Variants in LONRF2 observed in about 807,000 individuals in gnomAD.
The protein encoded by LONRF2 is LON peptidase N-terminal domain and RING finger protein 2.
In LONRF2, 35 loss-of-function variants were observed where a neutral mutation model predicts 66.6. The ratio of observed to expected loss-of-function variants is 0.53; its 90% CI spans 0.40 to 0.70. The LOEUF (loss-of-function observed/expected upper bound fraction) is 0.70. Ranked by LOEUF, LONRF2 falls within the 30% of genes least tolerant of loss-of-function variation. The probability of loss-of-function intolerance (pLI) is 0.00; values close to 1 mark genes in which losing one functional copy is unlikely to be tolerated. For missense variants in LONRF2, 902 were observed against 1,002.1 expected (o/e 0.90, Z 1.35); for synonymous variants, 417 against 418.1 (o/e 1.00, Z 0.03).
intron 1 of LONRF2, among the ~76,000 whole-genome samples, chr2:100,311,885 G>C (rs1045483467): frequency 1.3e-5 from 2 of 152,156 alleles, no homozygotes; most frequent in Non-Finnish European, 2.9e-5. Flanking sequence ...TATGGTCCTA[G>C]TATAAGCTCT....
chr2:100,288,951 G>T (rs1380898797), intron 10 of LONRF2, among the ~76,000 whole-genome samples: 1 of 152,170 alleles, frequency 6.6e-6, no homozygotes, highest in Non-Finnish European at 1.5e-5. Flanking sequence ...GTGTAAGTCT[G>T]TTGGAGAATC....
chr2:100,300,439 T>C (rs1675162578), intron 4 of LONRF2, among the ~76,000 whole-genome samples: 1 of 152,190 alleles, frequency 6.6e-6, no homozygotes, highest in Non-Finnish European at 1.5e-5. Context: ...TTCTAAAGCT[T>C]CTTTCAATCT....
chr2:100,321,606 C>G lies in LONRF2; in HGVS notation c.488G>C (p.Cys163Ser). ...GGGCCCTGGCTCCACGCAGCGCTTG[C>G]AGACTGTGAGCCCGCAGGGCAGCGT... ...PVTLPCGLTV[C>S]KRCVEPGPAR... The change falls in exon 1 of 12, where the codon TGC becomes TCC. Residue 163 changes from cysteine to serine, a missense_variant. Physicochemically the swap from Cys to Ser is moderately radical, Grantham distance 112. This residue lies in a region of LONRF2 where 585 missense variants were observed against 569.9 expected (regional missense o/e 1.03). Coordinates refer to ENST00000393437, the MANE Select transcript of LONRF2 (RefSeq NM_198461.4). 6.6e-7 allele frequency: 1 copy of G among 1,516,808 alleles called. No homozygotes were observed. Among genetic ancestry groups the G allele is most frequent in the East Asian group, 2.7e-5 (1 of 36,514 alleles). The allele number at this position is 1,516,808 out of a possible 1,614,324, so 94.0% of individuals were successfully genotyped here.
At chr2:100,288,910 A>T (rs774835413) in intron 10 of LONRF2, among the ~76,000 whole-genome samples, 1 of 152,246 alleles carries the variant, frequency 6.6e-6, no homozygotes, top group African/African-American at 2.4e-5. Context: ...GTTTGGGGCT[A>T]TAATGGAGTA....
In LONRF2 at chr2:100,273,882, A is replaced by G. The variant is rs911799215; in HGVS notation, c.*10416T>C. Reference sequence around the variant, plus strand: ...AGAACAATATATGAATAGAGTACACAGCTTTCCAACCTATTAACAGGTTCT... The same window carrying G: ...AGAACAATATATGAATAGAGTACACGGCTTTCCAACCTATTAACAGGTTCT... On this transcript the variant is annotated 3_prime_UTR_variant, in exon 12 of 12. Coordinates refer to ENST00000393437, the MANE Select transcript of LONRF2 (RefSeq NM_198461.4). 6.6e-6 allele frequency: 1 copy of G among 152,234 alleles called. No individual in the cohort carries two copies. The highest frequency in any genetic ancestry group is 2.4e-5 in the African/African-American group (1 of 41,456). The allele number at this position is 152,234 out of a possible 1,614,324, so 9.4% of individuals were successfully genotyped here.
chr2:100,286,164 G>A (rs1674841816), intron 11 of LONRF2, among the ~76,000 whole-genome samples: 1 of 151,862 alleles, frequency 6.6e-6, no homozygotes, highest in Admixed American at 6.6e-5. Flanking sequence ...AGCTCCAAGA[G>A]ACAGAAAAAA....
chr2:100,314,058 G>A (rs1368949742), intron 1 of LONRF2, among the ~76,000 whole-genome samples: 4 of 151,914 alleles, frequency 2.6e-5, no homozygotes, highest in African/African-American at 7.3e-5. Context: ...AAATAAAGCT[G>A]CAATGAACAT....
rs1674668369 is a variant in LONRF2 at position 100,279,527 on chromosome 2, T to C, written c.*4771A>G. ...TGCTATCAAAAGTGACCTTAGTATGTCAAAACAGCAGAGGACCAATTGTAT... is the reference window on the plus strand; with the variant it reads ...TGCTATCAAAAGTGACCTTAGTATGCCAAAACAGCAGAGGACCAATTGTAT... On this transcript the variant is annotated 3_prime_UTR_variant, in exon 12 of 12. Coordinates refer to ENST00000393437, the MANE Select transcript of LONRF2 (RefSeq NM_198461.4). The C allele has an allele frequency of 6.6e-6, 1 of 152,164 alleles. No individual in the cohort carries two copies. Among genetic ancestry groups the C allele is most frequent in the Non-Finnish European group, 1.5e-5 (1 of 68,040 alleles). 9.4% of individuals were successfully genotyped at this position (152,164 alleles called of 1,614,324 possible).
chr2:100,292,023 C>T (rs1195845354), intron 9 of LONRF2, among the ~76,000 whole-genome samples: 1 of 152,188 alleles, frequency 6.6e-6, no homozygotes, highest in East Asian at 1.9e-4. Context: ...CTAAAGTTCT[C>T]ATGGTGAGCA....
intron 1 of LONRF2, among the ~76,000 whole-genome samples, chr2:100,309,845 G>A (rs1220135550): frequency 6.6e-6 from 1 of 151,978 alleles, no homozygotes; most frequent in South Asian, 2.1e-4. Flanking sequence ...GCTAATTTTT[G>A]TATCTTTAGT....
intron 2 of LONRF2, among the ~76,000 whole-genome samples, chr2:100,304,790 AT>A (rs3039614): frequency 2.3e-3 from 258 of 113,180 alleles, no homozygotes; most frequent in African/African-American, 4.6e-3. Context: ...TGCCTGGCTA[AT>A]TTTTTTTTTT....
intron 2 of LONRF2, 54 bp from the exon 3 acceptor site, chr2:100,303,097 C>A: frequency 6.8e-7 from 1 of 1,479,346 alleles, no homozygotes; most frequent in South Asian, 1.4e-5. Context: ...TGATTATATA[C>A]TTGAATACAA....
At chr2:100,284,549 C>A in intron 11 of LONRF2, 57 bp from the exon 12 acceptor site, 1 of 1,384,360 alleles carries the variant, frequency 7.2e-7, no homozygotes, top group Non-Finnish European at 9.5e-7. Context: ...GCCTGTTCCC[C>A]AACACAGTCT....
chr2:100,322,135 G>T lies in LONRF2; in HGVS notation c.-42C>A. 1 of 1,225,034 alleles carries T rather than the reference G, an allele frequency of 8.2e-7. No individual in the cohort carries two copies. Among genetic ancestry groups the T allele is most frequent in the Non-Finnish European group, 1.0e-6 (1 of 982,696 alleles). The allele number at this position is 1,225,034 out of a possible 1,614,324, so 75.9% of individuals were successfully genotyped here. A position where few individuals can be genotyped will look rare whatever the true frequency, so the allele number is the denominator to read the frequency against. ...CGACGCGGGTCCGGAGCGAAGGCGC[G>T]GAGCAGGGAGGATGCGCTGCTGCTG... is the stretch of plus-strand genomic sequence containing the variant. On this transcript the variant is annotated 5_prime_UTR_variant, in exon 1 of 12. Transcript: ENST00000393437.
chr2:100,291,717 G>T (rs946178555), intron 9 of LONRF2, among the ~76,000 whole-genome samples: 1 of 151,876 alleles, frequency 6.6e-6, no homozygotes, highest in African/African-American at 2.4e-5. Flanking sequence ...TAACCAGCCC[G>T]GCCCTTCACA....
At chr2:100,299,345 TG>T (rs777575515) in intron 5 of LONRF2, 26 bp from the exon 6 acceptor site, 9 of 1,393,692 alleles carry the variant, frequency 6.5e-6, no homozygotes, top group Admixed American at 2.2e-5. Flanking sequence ...TTTAAAACGC[TG>T]TAATTAACAC....
chr2:100,321,650 C>A lies in LONRF2; in HGVS notation c.444G>T (p.Arg148=). 7.2e-7 allele frequency: 1 copy of A among 1,392,662 alleles called. No homozygotes were observed. Among genetic ancestry groups the A allele is most frequent in the Non-Finnish European group, 9.3e-7 (1 of 1,073,618 alleles). 86.3% of individuals were successfully genotyped at this position (1,392,662 alleles called of 1,614,324 possible). The change falls in exon 1 of 12, where the codon CGG becomes CGT. Residue 148 remains arginine, a synonymous_variant. Coordinates refer to ENST00000393437, the MANE Select transcript of LONRF2 (RefSeq NM_198461.4). ...GCAGCGTCACCGGCTTATGCAGCAG[C>A]CGCCGGCAGCGCGGGCAGCCGAGCA... is the stretch of plus-strand genomic sequence containing the variant. The part of the protein sequence containing the change: ...RDLLGCPRCR[R]LLHKPVTLPC...
At chr2:100,307,043 C>T (rs1349180065) in intron 2 of LONRF2, among the ~76,000 whole-genome samples, 1 of 151,744 alleles carries the variant, frequency 6.6e-6, no homozygotes, top group African/African-American at 2.4e-5. Flanking sequence ...GCCTCCGCCT[C>T]CCGAGTAGCT....
rs561590015 is a variant in LONRF2 at position 100,280,314 on chromosome 2, T to A, written c.*3984A>T. ...TGATGCTGGCAAAGGGGTTCGGTTA[T>A]CTCCCTGTGTGGGCGATGGCTCACG... On this transcript the variant is annotated 3_prime_UTR_variant, in exon 12 of 12. Transcript: ENST00000393437. 50 of 152,242 alleles carry A rather than the reference T, an allele frequency of 3.3e-4. No individual in the cohort carries two copies. Among genetic ancestry groups the A allele is most frequent in the African/African-American group, 1.2e-3 (48 of 41,544 alleles). 9.4% of individuals were successfully genotyped at this position (152,242 alleles called of 1,614,324 possible).
Sources: allele counts gnomAD v4.1 joint callset (sites outside exome capture counted in the v4.1 genomes callset), GRCh38; gene constraint gnomAD v4.1.1; regional missense constraint gnomAD v4.1.1; transcripts MANE v1.5; gene names NCBI Gene and HGNC (gene_info 2026-07-23, HGNC 2026-07-21).